Variants in MMP16 observed in about 807,000 individuals in gnomAD.
MMP16 encodes matrix metallopeptidase 16.
A neutral mutation model predicts 67.8 loss-of-function variants in MMP16; 12 were observed. The observed-to-expected ratio is 0.18, with a 90% CI of 0.11 to 0.29. MMP16 has a LOEUF of 0.29. MMP16 is among the 10% of genes least tolerant of loss of function. The probability of loss-of-function intolerance (pLI) is 1.00; values close to 1 mark genes in which losing one functional copy is unlikely to be tolerated. For missense variants in MMP16, 475 were observed against 765.7 expected (o/e 0.62, Z 4.48); for synonymous variants, 249 against 255.9 (o/e 0.97, Z 0.26).
intron 4 of MMP16, among the ~76,000 whole-genome samples, chr8:88,166,109 G>A (rs1363853691): frequency 6.6e-6 from 1 of 151,830 alleles, no homozygotes; most frequent in Non-Finnish European, 1.5e-5. Context: ...TCCAAAACAC[G>A]AGAGAACCCT....
At chr8:88,301,581 G>A (rs1811099620) in intron 1 of MMP16, among the ~76,000 whole-genome samples, 1 of 152,064 alleles carries the variant, frequency 6.6e-6, no homozygotes, top group Admixed American at 6.5e-5. Context: ...ACAGATATAT[G>A]CAGGAATATG....
intron 3 of MMP16, 63 bp from the exon 4 acceptor site, chr8:88,168,036 G>C: frequency 7.9e-7 from 1 of 1,270,536 alleles, no homozygotes; most frequent in Non-Finnish European, 1.1e-6. Flanking sequence ...TACAGGTTTT[G>C]ATCGATTCAG....
intron 1 of MMP16, among the ~76,000 whole-genome samples, chr8:88,326,586 T>C (rs560605623): frequency 3.9e-5 from 6 of 152,258 alleles, no homozygotes; most frequent in Admixed American, 3.9e-4. Context: ...TATCACAAAG[T>C]AATGTTATTA....
chr8:88,180,947 A>G (rs958160088), intron 3 of MMP16, among the ~76,000 whole-genome samples: 8 of 152,198 alleles, frequency 5.3e-5, no homozygotes, highest in African/African-American at 1.9e-4. Flanking sequence ...TCATATTATC[A>G]TATCAGCAGA....
intron 6 of MMP16, among the ~76,000 whole-genome samples, chr8:88,090,850 G>A (rs910946803): frequency 9.2e-5 from 14 of 151,684 alleles, no homozygotes; most frequent in African/African-American, 3.1e-4. Flanking sequence ...CCAATGTATA[G>A]AAAAATAACA....
chr8:88,219,819 A>G (rs2129842145), intron 1 of MMP16, among the ~76,000 whole-genome samples: 1 of 152,254 alleles, frequency 6.6e-6, no homozygotes, highest in East Asian at 1.9e-4. Context: ...TCGTGTATTG[A>G]ATCCGAAGAG....
chr8:88,227,735 C>T (rs575311439), intron 1 of MMP16, among the ~76,000 whole-genome samples: 2 of 152,072 alleles, frequency 1.3e-5, no homozygotes, highest in Non-Finnish European at 2.9e-5. Flanking sequence ...TGAGACACTG[C>T]GATATCTATA....
At chr8:88,079,528 T>G (rs1406608267) in intron 6 of MMP16, among the ~76,000 whole-genome samples, 1 of 152,160 alleles carries the variant, frequency 6.6e-6, no homozygotes, top group Non-Finnish European at 1.5e-5. Flanking sequence ...ACAACTGTAC[T>G]TTAAATGTTC....
chr8:88,190,039 T>C (rs1809146390), intron 2 of MMP16, among the ~76,000 whole-genome samples: 1 of 152,208 alleles, frequency 6.6e-6, no homozygotes, highest in Non-Finnish European at 1.5e-5. Flanking sequence ...TTTTTCCAGC[T>C]CTGTGCTTTG....
chr8:88,260,202 G>A (rs973487708), intron 1 of MMP16, among the ~76,000 whole-genome samples: 10 of 151,926 alleles, frequency 6.6e-5, no homozygotes, highest in Admixed American at 2.6e-4. Context: ...CAACTGCTTC[G>A]CACAAAAAAA....
intron 9 of MMP16, among the ~76,000 whole-genome samples, chr8:88,046,321 T>C (rs1344010628): frequency 6.6e-6 from 1 of 152,230 alleles, no homozygotes; most frequent in African/African-American, 2.4e-5. Flanking sequence ...GTGGCACCTC[T>C]ATCTTCCTTG....
At chr8:88,209,791 T>C (rs542802940) in intron 1 of MMP16, among the ~76,000 whole-genome samples, 59 of 152,336 alleles carry the variant, frequency 3.9e-4, no homozygotes, top group African/African-American at 1.3e-3. Flanking sequence ...GTGTGTAGAA[T>C]GTAGCATTTT....
intron 4 of MMP16, among the ~76,000 whole-genome samples, chr8:88,162,229 T>C (rs909315405): frequency 2.6e-5 from 4 of 152,018 alleles, no homozygotes; most frequent in Admixed American, 1.3e-4. Context: ...TAAGGCTATG[T>C]AACTGAAAGG....
At chr8:88,081,053 C>T (rs1808741431) in intron 6 of MMP16, among the ~76,000 whole-genome samples, 1 of 152,010 alleles carries the variant, frequency 6.6e-6, no homozygotes, top group Non-Finnish European at 1.5e-5. Context: ...GGTAGCGAGG[C>T]TCATCAGGCA....
chr8:88,049,710 G>A (rs1050610948), intron 8 of MMP16, among the ~76,000 whole-genome samples: 3 of 152,126 alleles, frequency 2.0e-5, no homozygotes, highest in African/African-American at 7.2e-5. Context: ...CTTAAAGTGA[G>A]CTTTTAAATT....
chr8:88,099,012 T>G (rs2118370341), intron 6 of MMP16, among the ~76,000 whole-genome samples: 1 of 151,932 alleles, frequency 6.6e-6, no homozygotes, highest in African/African-American at 2.4e-5. Flanking sequence ...AACCATTTTT[T>G]TCCTTAGAAA....
chr8:88,069,774 C>G (rs1808521052), intron 7 of MMP16, among the ~76,000 whole-genome samples: 1 of 152,094 alleles, frequency 6.6e-6, no homozygotes, highest in African/African-American at 2.4e-5. Flanking sequence ...ATCCTTTTCT[C>G]TAACTCAGGA....
intron 2 of MMP16, among the ~76,000 whole-genome samples, chr8:88,189,029 G>A (rs1247172608): frequency 1.3e-5 from 2 of 152,146 alleles, no homozygotes; most frequent in Non-Finnish European, 2.9e-5. Flanking sequence ...CCTTATATAA[G>A]TCTTGGGCTT....
At chr8:88,279,091 A>G (rs1011930271) in intron 1 of MMP16, among the ~76,000 whole-genome samples, 2 of 152,026 alleles carry the variant, frequency 1.3e-5, no homozygotes, top group Non-Finnish European at 1.5e-5. Flanking sequence ...GCGTGATGGC[A>G]TGTGCCTGTA....
Sources: allele counts gnomAD v4.1 joint callset (sites outside exome capture counted in the v4.1 genomes callset), GRCh38; gene constraint gnomAD v4.1.1; transcripts MANE v1.5; gene names NCBI Gene and HGNC (gene_info 2026-07-23, HGNC 2026-07-21).